ZNF560: variants seen among roughly 807,000 people sequenced by gnomAD.
ZNF560 encodes zinc finger protein 560.
A neutral mutation model predicts 81.8 loss-of-function variants in ZNF560; 54 were observed. That is an observed-to-expected ratio of 0.66 (90% CI 0.53 to 0.83). The LOEUF (loss-of-function observed/expected upper bound fraction) is 0.83, where lower values mean the gene tolerates loss of function less well. Among genes scored for constraint, ZNF560 ranks in the 40% least tolerant of loss-of-function variants. ZNF560 has a pLI of 0.00. For synonymous variants in ZNF560, 321 were observed against 317.9 expected, an observed-to-expected ratio of 1.01 and a Z score of -0.10; for missense variants, 940 against 932.4, an observed-to-expected ratio of 1.01 and a Z score of -0.11.
In ZNF560 at chr19:9,474,256, G is replaced by A; in HGVS notation, c.100C>T (p.Gln34Ter). The change falls in exon 4 of 10, where the codon CAG (glutamine) becomes TAG (stop). Residue 34 changes from glutamine (Q) to a stop codon, truncating the protein, a stop_gained. Coordinates refer to ENST00000301480, the MANE Select transcript of ZNF560 (RefSeq NM_152476.3). LOFTEE classifies it high-confidence loss of function. ...QEEWILLDPV[Q>*]RNLYRDVMLE... ...ATCACATCTCTGTATAAGTTTCTCTGAACTGGGTCCAGTAAAATCCACTCC... is the reference window on the plus strand; with the variant it reads ...ATCACATCTCTGTATAAGTTTCTCTAAACTGGGTCCAGTAAAATCCACTCC... 6.2e-7 allele frequency: 1 copy of A among 1,614,122 alleles called. No homozygotes were observed. Among genetic ancestry groups the A allele is most frequent in the East Asian group, 2.2e-5 (1 of 44,874 alleles).
At chr19:9,483,732 G>A (rs188905276) in intron 2 of ZNF560, among the ~76,000 whole-genome samples, 2,772 of 150,124 alleles carry the variant, frequency 0.018, 79 homozygotes, top group African/African-American at 0.056. Flanking sequence ...GCCTCTGCCC[G>A]GCTGCCCCTT....
chr19:9,488,632 CT>C (rs147155633), intron 2 of ZNF560, among the ~76,000 whole-genome samples: 15,501 of 152,088 alleles, frequency 0.1, 934 homozygotes, highest in South Asian at 0.2. Context: ...AAAATTCCAA[CT>C]CTGATAATAT....
chr19:9,489,233 T>C (rs1406060002), intron 2 of ZNF560, among the ~76,000 whole-genome samples: 1 of 152,244 alleles, frequency 6.6e-6, no homozygotes, highest in Non-Finnish European at 1.5e-5. Flanking sequence ...GCTCCTCACT[T>C]CCCAGACAGT....
chr19:9,482,890 C>G (rs1271848911), intron 2 of ZNF560, among the ~76,000 whole-genome samples: 4 of 152,188 alleles, frequency 2.6e-5, no homozygotes, highest in Non-Finnish European at 5.9e-5. Context: ...GTCTCCAGCT[C>G]CTAACCAGGA....
downstream of ZNF560, among the ~76,000 whole-genome samples, chr19:9,462,078 C>T (rs756889294): frequency 1.3e-4 from 20 of 152,190 alleles, no homozygotes; most frequent in East Asian, 1.9e-4. Flanking sequence ...GTGATAAAGC[C>T]GCCTTTGCTT....
Position 9,467,531 on chromosome 19 carries a change from G to A in ZNF560, c.1416C>T (p.Ser472=), listed in dbSNP as rs755743190. 2.5e-6 allele frequency: 4 copies of A among 1,614,066 alleles called. No individual in the cohort carries two copies. In the East Asian group the frequency reaches 6.7e-5, roughly 27 times the overall value. ...TTCTTCTATCTTCAATAACACCTGA[G>A]GATGTACCAAAGGCCTTCCCATATT... The part of the protein sequence containing the change: ...HKEYGKAFGT[S]SGVIEDRRSN... Residue 472 remains serine (S), a synonymous_variant, in exon 10 of 10, where the codon TCC becomes TCT. Coordinates refer to ENST00000301480, the MANE Select transcript of ZNF560 (RefSeq NM_152476.3).
the ZNF560 span, among the ~76,000 whole-genome samples, chr19:9,446,620 A>G: frequency 1.3e-5 from 2 of 152,238 alleles, no homozygotes; most frequent in African/African-American, 4.8e-5. Flanking sequence ...AAATATAGCA[A>G]AAGTGATGCA....
At chr19:9,463,557 T>C (rs951779218), downstream of ZNF560, among the ~76,000 whole-genome samples, 11 of 152,218 alleles carry the variant, frequency 7.2e-5, no homozygotes, top group Admixed American at 1.3e-4. Flanking sequence ...GTGTCACTGG[T>C]AACAGTTAAA....
chr19:9,500,097 G>A (rs1401469823), upstream of ZNF560, among the ~76,000 whole-genome samples: 1 of 151,928 alleles, frequency 6.6e-6, no homozygotes, highest in Non-Finnish European at 1.5e-5. Context: ...AGAATTTCCT[G>A]TAGAGGCTGG....
intron 2 of ZNF560, among the ~76,000 whole-genome samples, chr19:9,482,280 G>C (rs1303003079): frequency 1.3e-5 from 2 of 152,038 alleles, no homozygotes; most frequent in African/African-American, 4.8e-5. Context: ...GTTGTGGGGT[G>C]GGGGTATGGG....
At chr19:9,497,510 G>C (rs1019062701) in intron 2 of ZNF560, among the ~76,000 whole-genome samples, 26 of 148,130 alleles carry the variant, frequency 1.8e-4, no homozygotes, top group Non-Finnish European at 3.4e-4. Flanking sequence ...ACTCCAGCCT[G>C]GGCGACACAG....
chr19:9,488,341 G>A (rs1245536589), intron 2 of ZNF560, among the ~76,000 whole-genome samples: 1 of 152,032 alleles, frequency 6.6e-6, no homozygotes, highest in Non-Finnish European at 1.5e-5. Context: ...AATTACTCAG[G>A]TATTATGTCA....
the ZNF560 span, among the ~76,000 whole-genome samples, chr19:9,448,258 T>G: frequency 6.6e-6 from 1 of 151,952 alleles, no homozygotes; most frequent in Non-Finnish European, 1.5e-5. Context: ...TTTTCAGACA[T>G]TTCACTCTTG....
intron 2 of ZNF560, among the ~76,000 whole-genome samples, chr19:9,483,828 G>A (rs528105162): frequency 0.047 from 7,200 of 152,110 alleles, 523 homozygotes; most frequent in African/African-American, 0.16. Context: ...CCATGATGAC[G>A]ATGGCGGTTT....
the ZNF560 span, among the ~76,000 whole-genome samples, chr19:9,458,568 C>T: frequency 1.3e-5 from 2 of 152,216 alleles, no homozygotes; most frequent in South Asian, 4.1e-4. Context: ...ATAAGAGCAA[C>T]TGATGACTTT....
In ZNF560 at chr19:9,466,656, C is replaced by T; in HGVS notation, c.2291G>A (p.Gly764Glu). 6.2e-7 allele frequency: 1 copy of T among 1,614,032 alleles called. No homozygotes were observed. Among genetic ancestry groups the T allele is most frequent in the African/African-American group, 1.3e-5 (1 of 75,024 alleles). The change falls in exon 10 of 10, where the codon GGA becomes GAA. Residue 764 changes from glycine to glutamate, a missense_variant. Transcript: ENST00000301480. ...CTGGTCACATTCAAAGGGTTTCTCTCCCATATGAGTTCTTAAATGTTGAAT... is the reference window on the plus strand; with the variant it reads ...CTGGTCACATTCAAAGGGTTTCTCTTCCATATGAGTTCTTAAATGTTGAAT... ...GRIQHLRTHM[G>E]EKPFECDQCG...
intron 4 of ZNF560, 65 bp downstream of exon 4, chr19:9,474,133 GA>G (rs1399935836): frequency 7.6e-6 from 12 of 1,584,286 alleles, no homozygotes; most frequent in Non-Finnish European, 1.0e-5. Context: ...ACCAATTCTG[GA>G]ACACAGCAAG....
chr19:9,495,714 CG>C (rs1195282695), intron 2 of ZNF560, among the ~76,000 whole-genome samples: 3 of 151,740 alleles, frequency 2.0e-5, no homozygotes, highest in Non-Finnish European at 2.9e-5. Context: ...CTCAAAAAGT[CG>C]GGGGCGGGGA....
At chr19:9,490,836 C>A (rs370612654) in intron 2 of ZNF560, among the ~76,000 whole-genome samples, 1 of 152,164 alleles carries the variant, frequency 6.6e-6, no homozygotes, top group East Asian at 1.9e-4. Flanking sequence ...CACCCAATCA[C>A]CAGACCTAGG....
Sources: allele counts gnomAD v4.1 joint callset (sites outside exome capture counted in the v4.1 genomes callset), GRCh38; gene constraint gnomAD v4.1.1; transcripts MANE v1.5; gene names NCBI Gene and HGNC (gene_info 2026-07-23, HGNC 2026-07-21).